The following KHDRBS2 variants were observed in gnomAD, a reference collection of about 807,000 sequenced individuals.
KHDRBS2 encodes the protein KH RNA binding domain containing, signal transduction associated 2.
A neutral mutation model predicts 44.3 loss-of-function variants in KHDRBS2; 26 were observed. The ratio of observed to expected loss-of-function variants is 0.59; its 90% CI spans 0.43 to 0.81. The LOEUF is 0.81. KHDRBS2 is among the 40% of genes least tolerant of loss of function. The pLI is 0.00. For synonymous variants in KHDRBS2, 194 were observed against 151.1 expected (o/e 1.28, Z -2.08); for missense variants, 476 against 433.1 (o/e 1.10, Z -0.88).
At chr6:61,986,236 A>G (rs1279803468) in intron 3 of KHDRBS2, among the ~76,000 whole-genome samples, 1 of 152,198 alleles carries the variant, frequency 6.6e-6, no homozygotes, top group Non-Finnish European at 1.5e-5. Context: ...ACACTCAAAT[A>G]AGGTTAAAGT....
the KHDRBS2 span, among the ~76,000 whole-genome samples, chr6:61,591,469 C>T: frequency 1.3e-5 from 2 of 152,106 alleles, no homozygotes; most frequent in South Asian, 2.1e-4. Context: ...GATCTGAATA[C>T]TTCTGAGGTA....
rs1821258148 is a variant in KHDRBS2 at position 62,177,113 on chromosome 6, A to T, written c.219+72T>A. The stretch of plus-strand genomic sequence containing the variant: ...TTCAAATATTTATTTTATAAAAGTG[A>T]ATAATTAAAATACCGTCTTCTTTTA... On this transcript the variant is annotated intron_variant, in intron 2 of 8. Coordinates refer to ENST00000281156, the MANE Select transcript of KHDRBS2 (RefSeq NM_152688.4). The T allele has an allele frequency of 4.4e-6, 4 of 901,086 alleles. No individual in the cohort carries two copies. In the African/African-American group the frequency reaches 6.8e-5, roughly 15 times the overall value. The allele number at this position is 901,086 out of a possible 1,614,324, so 55.8% of individuals were successfully genotyped here.
At chr6:61,938,747 T>G (rs188106269) in intron 4 of KHDRBS2, among the ~76,000 whole-genome samples, 8 of 152,258 alleles carry the variant, frequency 5.3e-5, no homozygotes, top group Admixed American at 3.9e-4. Flanking sequence ...ACAAAAGGTT[T>G]GGTGTCTCTT....
chr6:62,170,609 CAT>C, intron 2 of KHDRBS2, among the ~76,000 whole-genome samples: 1 of 152,142 alleles, frequency 6.6e-6, no homozygotes, highest in East Asian at 1.9e-4. Context: ...CCAGCCAACA[CAT>C]GTGCACCCTG....
rs548607885 is a variant in KHDRBS2 at position 62,122,882 on chromosome 6, T to G, written c.219+54303A>C. Among the ~76,000 whole-genome samples the G allele has an allele frequency of 1.4e-3, 217 of 150,044 alleles. 17 individuals are homozygous for G. Among genetic ancestry groups the G allele is most frequent in the African/African-American group, 5.2e-3 (208 of 40,288 alleles). On this transcript the variant is annotated intron_variant, in intron 2 of 8. Transcript: ENST00000281156. ...TTTTATTTTTTCAATTTATTTTATT[T>G]TATTTATTTACTTTTTGACGTTTTT...
intron 1 of KHDRBS2, among the ~76,000 whole-genome samples, chr6:62,190,565 C>T (rs984622265): frequency 2.0e-5 from 3 of 152,104 alleles, no homozygotes; most frequent in Admixed American, 6.6e-5. Context: ...CGATAATACA[C>T]ATCTACCATC....
intron 6 of KHDRBS2, among the ~76,000 whole-genome samples, chr6:61,833,403 T>C (rs1792147643): frequency 6.6e-6 from 1 of 152,178 alleles, no homozygotes; most frequent in Non-Finnish European, 1.5e-5. Flanking sequence ...ATTTTTGAAA[T>C]AGCTTTGAAA....
intron 4 of KHDRBS2, among the ~76,000 whole-genome samples, chr6:61,934,208 T>TG (rs1205295569): frequency 6.6e-6 from 1 of 152,206 alleles, no homozygotes; most frequent in African/African-American, 2.4e-5. Context: ...ATTAACCCCT[T>TG]GTCAGATATA....
At chr6:61,546,901 AT>A in the KHDRBS2 span, among the ~76,000 whole-genome samples, 1 of 151,912 alleles carries the variant, frequency 6.6e-6, no homozygotes, top group Non-Finnish European at 1.5e-5. Flanking sequence ...TCATTCATCC[AT>A]TTTCCAACCA....
the KHDRBS2 span, among the ~76,000 whole-genome samples, chr6:61,671,644 T>C: frequency 6.6e-6 from 1 of 151,724 alleles, no homozygotes; most frequent in East Asian, 2.0e-4. Context: ...AGCTATCTTA[T>C]TGTTACCTCA....
chr6:61,695,781 G>A (rs1209194), intron 8 of KHDRBS2, among the ~76,000 whole-genome samples: 21,194 of 151,836 alleles, frequency 0.14, 2,038 homozygotes, highest in South Asian at 0.27. Flanking sequence ...CCTATTTCTG[G>A]GCTTGGCCTT....
At chr6:61,898,051 T>C (rs749385626) in intron 5 of KHDRBS2, among the ~76,000 whole-genome samples, 11 of 152,076 alleles carry the variant, frequency 7.2e-5, no homozygotes, top group Admixed American at 7.2e-4. Context: ...ATTAGAGTTA[T>C]CATAGATAGG....
At chr6:61,641,255 C>A in the KHDRBS2 span, among the ~76,000 whole-genome samples, 1 of 152,156 alleles carries the variant, frequency 6.6e-6, no homozygotes, top group Non-Finnish European at 1.5e-5. Context: ...TAAAATACAG[C>A]AGTTAGCATG....
At chr6:61,873,479 G>A (rs1193042112) in intron 6 of KHDRBS2, among the ~76,000 whole-genome samples, 1 of 151,726 alleles carries the variant, frequency 6.6e-6, no homozygotes, top group Non-Finnish European at 1.5e-5. Flanking sequence ...TTGGCAAAAC[G>A]TGGAGAACTA....
At chr6:62,222,015 C>T (rs1288336693) in intron 1 of KHDRBS2, among the ~76,000 whole-genome samples, 1 of 152,074 alleles carries the variant, frequency 6.6e-6, no homozygotes, top group Non-Finnish European at 1.5e-5. Flanking sequence ...CACTGGAAAC[C>T]TCTGCATATT....
intron 5 of KHDRBS2, among the ~76,000 whole-genome samples, chr6:61,896,340 G>A (rs2127336307): frequency 6.6e-6 from 1 of 152,258 alleles, no homozygotes; most frequent in Admixed American, 6.5e-5. Flanking sequence ...CTATACCCTT[G>A]AATAGTCATG....
chr6:61,659,732 TA>T, the KHDRBS2 span, among the ~76,000 whole-genome samples: 138 of 150,928 alleles, frequency 9.1e-4, no homozygotes, highest in African/African-American at 3.1e-3. Flanking sequence ...TTGAGTGTAT[TA>T]AAAAAAAACA....
intron 4 of KHDRBS2, among the ~76,000 whole-genome samples, chr6:61,963,624 A>C (rs1315844088): frequency 6.6e-6 from 1 of 151,976 alleles, no homozygotes; most frequent in Non-Finnish European, 1.5e-5. Flanking sequence ...CCAATAGAAC[A>C]CTCTGTGAAA....
intron 3 of KHDRBS2, among the ~76,000 whole-genome samples, chr6:62,028,504 G>C (rs1783775335): frequency 6.6e-6 from 1 of 151,946 alleles, no homozygotes; most frequent in Admixed American, 6.6e-5. Flanking sequence ...ATGGATTTTT[G>C]TGCTTATACA....
Sources: gnomAD v4.1 joint callset for allele counts (sites outside exome capture counted in the v4.1 genomes callset) on GRCh38, gnomAD v4.1.1 for gene constraint, MANE v1.5 for transcripts, NCBI Gene and HGNC (gene_info 2026-07-23, HGNC 2026-07-21) for gene names.